The following LRRTM4 variants were observed in gnomAD, a reference collection of about 807,000 sequenced individuals.
LRRTM4 encodes the protein leucine-rich repeat transmembrane neuronal protein 4.
Under a neutral mutation model 47.6 loss-of-function variants are expected in LRRTM4, and 25 were observed. The ratio of observed to expected loss-of-function variants is 0.53; its 90% CI spans 0.38 to 0.73. The LOEUF (loss-of-function observed/expected upper bound fraction) is 0.73. Ranked by LOEUF, LRRTM4 falls within the 30% of genes least tolerant of loss-of-function variation. LRRTM4 has a pLI of 0.00. For missense variants in LRRTM4, 638 were observed against 713.4 expected (o/e 0.89, Z 1.20); for synonymous variants, 311 against 269.5 (o/e 1.15, Z -1.51).
intron 3 of LRRTM4, among the ~76,000 whole-genome samples, chr2:76,954,367 CAACAAAA>C (rs1357509434): frequency 1.3e-5 from 2 of 150,864 alleles, no homozygotes; most frequent in African/African-American, 4.9e-5. Flanking sequence ...ACAAAGCAAC[CAACAAAA>C]AACAAAATTT....
chr2:76,757,727 C>G (rs1045816413), intron 3 of LRRTM4, among the ~76,000 whole-genome samples: 1 of 152,088 alleles, frequency 6.6e-6, no homozygotes, highest in Non-Finnish European at 1.5e-5. Flanking sequence ...ACATAACTTT[C>G]TCCTTTGTGA....
intron 3 of LRRTM4, among the ~76,000 whole-genome samples, chr2:77,369,106 C>T (rs564951309): frequency 6.6e-6 from 1 of 151,722 alleles, no homozygotes; most frequent in South Asian, 2.1e-4. Context: ...TGTTGACCAC[C>T]TTTTTATGTA....
chr2:77,329,762 G>A (rs533429094), intron 3 of LRRTM4, among the ~76,000 whole-genome samples: 2 of 152,270 alleles, frequency 1.3e-5, no homozygotes, highest in East Asian at 3.9e-4. Context: ...TCTGTGACTG[G>A]AATGTAGGTG....
rs141175279 is a variant in LRRTM4 at position 76,923,879 on chromosome 2, A to T, written c.1552-174963T>A. Among the ~76,000 whole-genome samples, 194 of 152,208 alleles carry T rather than the reference A, an allele frequency of 1.3e-3. 1 individual carries two copies. Among genetic ancestry groups the T allele is most frequent in the African/African-American group, 4.4e-3 (182 of 41,564 alleles). On this transcript the variant is annotated intron_variant, in intron 3 of 3. Transcript: ENST00000409884. ...TCACAAATCATTATCTTCAAAGAGA[A>T]TATCTTATTGCCTTTTTTTACATTC...
At chr2:76,969,163 TCCA>T (rs996149445) in intron 3 of LRRTM4, among the ~76,000 whole-genome samples, 3 of 151,958 alleles carry the variant, frequency 2.0e-5, no homozygotes, top group African/African-American at 7.2e-5. Flanking sequence ...GTCAGGAATC[TCCA>T]CCACACAGCT....
rs546239263 is a variant in LRRTM4 at position 76,793,743 on chromosome 2, C to T, written c.1552-44827G>A. Among the ~76,000 whole-genome samples the T allele has an allele frequency of 5.3e-4, 80 of 152,144 alleles. No homozygotes were observed. The South Asian group carries it at 0.016, about 31-fold the overall frequency. ...TCATCATAATTGGGCACATTTTGCC[C>T]ACCAGTATGAACTTATAAACAGTGA... On this transcript the variant is annotated intron_variant, in intron 3 of 3. Coordinates refer to ENST00000409884, the MANE Select transcript of LRRTM4 (RefSeq NM_001134745.3).
intron 3 of LRRTM4, among the ~76,000 whole-genome samples, chr2:77,373,835 G>C (rs1481463604): frequency 2.0e-5 from 3 of 151,794 alleles, no homozygotes; most frequent in Admixed American, 1.3e-4. Flanking sequence ...AGCTAGAAAA[G>C]TCTAGGCAAG....
intron 3 of LRRTM4, among the ~76,000 whole-genome samples, chr2:76,925,814 A>G (rs1015094223): frequency 6.6e-6 from 1 of 152,138 alleles, no homozygotes; most frequent in Admixed American, 6.6e-5. Context: ...TACATATGTC[A>G]TAATATGTTA....
chr2:76,796,536 C>A (rs1372092849), intron 3 of LRRTM4, among the ~76,000 whole-genome samples: 3 of 126,084 alleles, frequency 2.4e-5, no homozygotes, highest in Non-Finnish European at 4.9e-5. Flanking sequence ...GGAGGCACCC[C>A]CAAGCACGGG....
chr2:76,973,044 GA>G (rs2103945134), intron 3 of LRRTM4, among the ~76,000 whole-genome samples: 1 of 151,994 alleles, frequency 6.6e-6, no homozygotes, highest in African/African-American at 2.4e-5. Context: ...TGCTTTCCAG[GA>G]CACTAAAACA....
At chr2:76,764,404 G>A (rs982972637) in intron 3 of LRRTM4, among the ~76,000 whole-genome samples, 27 of 152,134 alleles carry the variant, frequency 1.8e-4, no homozygotes, top group African/African-American at 6.0e-4. Flanking sequence ...GGCCAAGGCG[G>A]GCAGATCACG....
intron 3 of LRRTM4, among the ~76,000 whole-genome samples, chr2:76,881,316 C>T (rs996286954): frequency 3.3e-5 from 5 of 152,094 alleles, no homozygotes; most frequent in African/African-American, 1.2e-4. Context: ...CAACAATTCA[C>T]AGAATTTACT....
chr2:76,937,132 G>A (rs1371852811), intron 3 of LRRTM4, among the ~76,000 whole-genome samples: 5 of 151,830 alleles, frequency 3.3e-5, no homozygotes, highest in African/African-American at 1.2e-4. Context: ...CTTGGTGATG[G>A]TAATTTTATT....
At chr2:77,261,332 T>G (rs894528236) in intron 3 of LRRTM4, among the ~76,000 whole-genome samples, 1 of 152,096 alleles carries the variant, frequency 6.6e-6, no homozygotes, top group Non-Finnish European at 1.5e-5. Flanking sequence ...TATGCTCTAG[T>G]CAATGGGCTG....
intron 3 of LRRTM4, among the ~76,000 whole-genome samples, chr2:77,216,449 G>A (rs1674442842): frequency 6.6e-6 from 1 of 152,016 alleles, no homozygotes; most frequent in Admixed American, 6.6e-5. Flanking sequence ...GGCGGATCAC[G>A]AGGTCAAGAG....
chr2:77,324,991 G>A (rs1400938656), intron 3 of LRRTM4, among the ~76,000 whole-genome samples: 1 of 152,186 alleles, frequency 6.6e-6, no homozygotes, highest in Non-Finnish European at 1.5e-5. Context: ...AATATAGTTA[G>A]TTGATGGACT....
intron 3 of LRRTM4, among the ~76,000 whole-genome samples, chr2:77,249,498 A>C (rs1310447195): frequency 1.3e-5 from 2 of 150,974 alleles, no homozygotes; most frequent in East Asian, 2.0e-4. Flanking sequence ...TTAAAAAAAA[A>C]ACTCTTAGAT....
chr2:77,085,782 A>G (rs1181608614), intron 3 of LRRTM4, among the ~76,000 whole-genome samples: 1 of 152,180 alleles, frequency 6.6e-6, no homozygotes, highest in Non-Finnish European at 1.5e-5. Context: ...TGTTGGCTTA[A>G]TATGGCTTCT....
chr2:77,173,362 A>G (rs1211374036), intron 3 of LRRTM4, among the ~76,000 whole-genome samples: 1 of 152,168 alleles, frequency 6.6e-6, no homozygotes, highest in Non-Finnish European at 1.5e-5. Context: ...ATCTCCTCAT[A>G]GAATTATAGA....
Sources: allele counts gnomAD v4.1 joint callset (sites outside exome capture counted in the v4.1 genomes callset), GRCh38; gene constraint gnomAD v4.1.1; transcripts MANE v1.5; gene names NCBI Gene and HGNC (gene_info 2026-07-23, HGNC 2026-07-21).